Variants in MAL observed in about 807,000 individuals in gnomAD.
The protein encoded by MAL is mal, T cell differentiation protein (MAL blood group).
Under a neutral mutation model 16.7 loss-of-function variants are expected in MAL, and 5 were observed. That is an observed-to-expected ratio of 0.30 (90% CI 0.16 to 0.63). MAL has a LOEUF of 0.63. MAL is among the 30% of genes least tolerant of loss of function. The probability of loss-of-function intolerance (pLI) is 0.82; values close to 1 mark genes in which losing one functional copy is unlikely to be tolerated. For missense variants in MAL, 202 were observed against 195.8 expected (o/e 1.03, Z -0.19); for synonymous variants, 96 against 85.5 (o/e 1.12, Z -0.67).
chr2:95,052,495 G>A (rs1674741451), intron 3 of MAL, among the ~76,000 whole-genome samples: 1 of 152,176 alleles, frequency 6.6e-6, no homozygotes, highest in East Asian at 1.9e-4. Flanking sequence ...CCAGGTGTAG[G>A]GGCAGGAGAG....
At chr2:95,028,309 T>A (rs1035326471) in intron 1 of MAL, among the ~76,000 whole-genome samples, 9 of 151,576 alleles carry the variant, frequency 5.9e-5, no homozygotes, top group African/African-American at 2.2e-4. Flanking sequence ...GGCAACAGAG[T>A]GAGACTCGGT....
At position 95,049,160 on chromosome 2, in the gene MAL, G is replaced by GAAACA. The variant is rs537706027; in HGVS notation, c.262-396_262-392dup. ...ATACCAGGGGCCAAAAATAAGCAAT[G>GAAACA]AAACAAAACAAAACAAAACAAAACA... On this transcript the variant is annotated intron_variant, in intron 2 of 3. Transcript: ENST00000309988. Among the ~76,000 whole-genome samples the GAAACA allele has an allele frequency of 1.5e-3, 235 of 152,182 alleles. 1 individual carries two copies. Among genetic ancestry groups the GAAACA allele is most frequent in the Admixed American group, 3.7e-3 (56 of 15,288 alleles).
chr2:95,036,583 A>G (rs183306339), intron 1 of MAL, among the ~76,000 whole-genome samples: 27 of 152,378 alleles, frequency 1.8e-4, no homozygotes, highest in Non-Finnish European at 1.5e-5. Context: ...TGACCATGCC[A>G]CTGTCAGCAT....
chr2:95,026,478 C>T (rs1193944844), intron 1 of MAL: 2 of 75,388 alleles, frequency 2.7e-5, no homozygotes, highest in African/African-American at 1.1e-4. Flanking sequence ...CCTTCTGCCC[C>T]GTGTGCGGGG....
chr2:95,037,516 G>A (rs1417661811), intron 1 of MAL, among the ~76,000 whole-genome samples: 3 of 151,264 alleles, frequency 2.0e-5, no homozygotes, highest in African/African-American at 7.3e-5. Context: ...GAGTGAGTGA[G>A]TGAGTGAGCA....
rs778409734 is a variant in MAL, at chr2:95,025,815, G to T, written c.23G>T (p.Gly8Val). 22 of 1,564,696 alleles carry T rather than the reference G, an allele frequency of 1.4e-5. No individual in the cohort carries two copies. Among genetic ancestry groups the T allele is most frequent in the Non-Finnish European group, 1.9e-5 (22 of 1,155,970 alleles). The part of the protein sequence containing the change: MAPAAAT[G>V]GSTLPSGFSV... Reference sequence around the variant, plus strand: ...GTCATGGCCCCCGCAGCGGCGACGGGGGGCAGCACCCTGCCCAGTGGCTTC... The same window carrying T: ...GTCATGGCCCCCGCAGCGGCGACGGTGGGCAGCACCCTGCCCAGTGGCTTC... The change falls in exon 1 of 4, where the codon GGG becomes GTG. Residue 8 changes from glycine to valine, a missense_variant. Transcript: ENST00000309988. This position sits in a 1 kb window ranked among gnomAD's most constrained non-coding sequence, Gnocchi z 5.6.
intron 1 of MAL, among the ~76,000 whole-genome samples, chr2:95,033,764 T>C (rs1183849408): frequency 2.0e-5 from 3 of 151,718 alleles, no homozygotes; most frequent in Non-Finnish European, 4.4e-5. Flanking sequence ...GGTGACAGAG[T>C]GAGAACCTGT....
chr2:95,047,076 T>G (rs2104358107), intron 1 of MAL, among the ~76,000 whole-genome samples: 1 of 152,206 alleles, frequency 6.6e-6, no homozygotes, highest in South Asian at 2.1e-4. Context: ...AGGGGACTAC[T>G]GACAGTGTGG....
rs1318573194 is a variant in MAL at position 95,053,648 on chromosome 2, G to A, written c.*193G>A. 2.2e-5 allele frequency: 13 copies of A among 587,312 alleles called. No individual in the cohort carries two copies. The highest frequency in any genetic ancestry group is 9.0e-4 in the Middle Eastern group (2 of 2,228). 36.4% of individuals were successfully genotyped at this position (587,312 alleles called of 1,614,324 possible). On this transcript the variant is annotated 3_prime_UTR_variant, in exon 4 of 4. Coordinates refer to ENST00000309988, the MANE Select transcript of MAL (RefSeq NM_002371.4). Reference sequence around the variant, plus strand: ...TGTTTACTCTCCCGTGTGCCTTCGCGTCCGGGTTGGGAGCTTGCTGTGTCT... The same window carrying A: ...TGTTTACTCTCCCGTGTGCCTTCGCATCCGGGTTGGGAGCTTGCTGTGTCT...
chr2:95,046,703 A>G (rs1455649766), intron 1 of MAL, among the ~76,000 whole-genome samples: 1 of 152,200 alleles, frequency 6.6e-6, no homozygotes, highest in Non-Finnish European at 1.5e-5. Flanking sequence ...GCCCATCCTC[A>G]GCCATCCAAA....
chr2:95,038,324 GTGAGTGAC>G (rs1360400628), intron 1 of MAL, among the ~76,000 whole-genome samples: 1 of 151,850 alleles, frequency 6.6e-6, no homozygotes, highest in Non-Finnish European at 1.5e-5. Context: ...GACTGAGTGA[GTGAGTGAC>G]TGAGTGAGTG....
At chr2:95,040,967 C>A (rs1173280985) in intron 1 of MAL, among the ~76,000 whole-genome samples, 1 of 152,172 alleles carries the variant, frequency 6.6e-6, no homozygotes, top group East Asian at 1.9e-4. Flanking sequence ...GGGACCACAC[C>A]ACCAGGTGTG....
intron 1 of MAL, among the ~76,000 whole-genome samples, chr2:95,032,691 C>T (rs1674113069): frequency 6.6e-6 from 1 of 152,134 alleles, no homozygotes. Context: ...CGTGGTCTCT[C>T]ATCAATTTGG....
chr2:95,042,927 A>G (rs943993518), intron 1 of MAL, among the ~76,000 whole-genome samples: 1 of 152,162 alleles, frequency 6.6e-6, no homozygotes, highest in Admixed American at 6.5e-5. Context: ...CTCTCTGTAC[A>G]TTTAGTAGGT....
At chr2:95,053,184 A>C (rs747008095) in intron 3 of MAL, 197 bp from the exon 4 acceptor site, 13 of 543,222 alleles carry the variant, frequency 2.4e-5, no homozygotes, top group Non-Finnish European at 3.6e-5. Context: ...GTTAGGTCAC[A>C]TGGAGCTCTG....
chr2:95,033,720 G>A (rs1336908384), intron 1 of MAL, among the ~76,000 whole-genome samples: 1 of 152,178 alleles, frequency 6.6e-6, no homozygotes, highest in Non-Finnish European at 1.5e-5. Context: ...CAAGGCTGTA[G>A]TGAGCTGTGA....
At chr2:95,029,315 A>C (rs1280480745) in intron 1 of MAL, among the ~76,000 whole-genome samples, 1 of 152,244 alleles carries the variant, frequency 6.6e-6, no homozygotes, top group East Asian at 1.9e-4. Context: ...TTCCAAGCAC[A>C]GGTTAGACTT....
At chr2:95,042,397 G>T (rs1397261389) in intron 1 of MAL, among the ~76,000 whole-genome samples, 1 of 152,236 alleles carries the variant, frequency 6.6e-6, no homozygotes, top group Admixed American at 6.5e-5. Flanking sequence ...CTCTGGGCAT[G>T]AGCCCTGGGC....
intron 1 of MAL, among the ~76,000 whole-genome samples, chr2:95,046,440 G>A (rs745905698): frequency 5.3e-4 from 81 of 152,336 alleles, no homozygotes; most frequent in Admixed American, 9.8e-4. Flanking sequence ...GAGGAGAAGG[G>A]AAAGAGAAGT....
Sources: allele counts gnomAD v4.1 joint callset (sites outside exome capture counted in the v4.1 genomes callset), GRCh38; gene constraint gnomAD v4.1.1; non-coding constraint Gnocchi (gnomAD v3.1); transcripts MANE v1.5; gene names NCBI Gene and HGNC (gene_info 2026-07-23, HGNC 2026-07-21).